Variants in GABRG3 observed in about 807,000 individuals in gnomAD.
GABRG3 encodes gamma-aminobutyric acid type A receptor subunit gamma3.
A neutral mutation model predicts 48.8 loss-of-function variants in GABRG3; 25 were observed. The observed-to-expected ratio is 0.51, with a 90% CI of 0.37 to 0.72. The LOEUF (loss-of-function observed/expected upper bound fraction) is 0.72. Among genes scored for constraint, GABRG3 ranks in the 30% least tolerant of loss-of-function variants. The pLI is 0.00. For synonymous variants in GABRG3, 227 were observed against 217.6 expected, an observed-to-expected ratio of 1.04 and a Z score of -0.38; for missense variants, 394 against 577.9, an observed-to-expected ratio of 0.68 and a Z score of 3.26.
rs570078549 is a variant in GABRG3 at position 27,047,959 on chromosome 15, C to T, written c.270+21138C>T. 1.4e-4 allele frequency among the ~76,000 whole-genome samples: 22 copies of T among 152,238 alleles called. No individual in the cohort carries two copies. In the East Asian group the frequency reaches 3.9e-3, roughly 27 times the overall value. ...TGTGAAATAACTGAATTACAGAAAA[C>T]GAGAGAATCAGATGAGCAGGGGTCC... On this transcript the variant is annotated intron_variant, in intron 3 of 9. Coordinates refer to ENST00000615808, the MANE Select transcript of GABRG3 (RefSeq NM_033223.5).
rs368101374 is a variant in GABRG3 at position 27,537,124 on chromosome 15, T to TAAAAAAAA, written c.*4257_*4264dup. ...TAAGAAATTTCATCTGCAATTTCTG[T>TAAAAAAAA]AAAAAAAAAAAAAAAAAAAAAGAAT... On this transcript the variant is annotated 3_prime_UTR_variant, in exon 10 of 10. Transcript: ENST00000615808. 1 of 115,786 alleles carries TAAAAAAAA rather than the reference T, an allele frequency of 8.6e-6. No individual in the cohort carries two copies. Among genetic ancestry groups the TAAAAAAAA allele is most frequent in the Non-Finnish European group, 1.9e-5 (1 of 52,750 alleles). The allele number at this position is 115,786 out of a possible 1,614,324, so 7.2% of individuals were successfully genotyped here.
At chr15:27,066,515 A>G (rs1166397711) in intron 3 of GABRG3, among the ~76,000 whole-genome samples, 1 of 152,180 alleles carries the variant, frequency 6.6e-6, no homozygotes, top group East Asian at 1.9e-4. Context: ...TGCCTGGAAG[A>G]AAAAGAAAAA....
intron 2 of GABRG3, among the ~76,000 whole-genome samples, chr15:27,016,074 C>G (rs571605376): frequency 6.6e-6 from 1 of 151,852 alleles, no homozygotes; most frequent in African/African-American, 2.4e-5. Flanking sequence ...AAATTCTATA[C>G]CTGATTTAAA....
intron 3 of GABRG3, among the ~76,000 whole-genome samples, chr15:27,108,990 C>G (rs1302469154): frequency 1.3e-5 from 2 of 152,046 alleles, no homozygotes; most frequent in South Asian, 2.1e-4. Context: ...GCTAAGAGAT[C>G]TCTTAGCTTC....
At chr15:27,456,643 A>G (rs550534907) in intron 5 of GABRG3, among the ~76,000 whole-genome samples, 2 of 152,298 alleles carry the variant, frequency 1.3e-5, no homozygotes, top group East Asian at 1.9e-4. Context: ...GGAACGGCCA[A>G]TCTGGAAAGA....
intron 5 of GABRG3, among the ~76,000 whole-genome samples, chr15:27,357,387 C>T (rs1388236806): frequency 1.3e-5 from 2 of 152,232 alleles, no homozygotes; most frequent in Non-Finnish European, 2.9e-5. Context: ...CAGAAATGCT[C>T]TCAGTCCTAC....
chr15:27,224,088 A>G (rs1463120640), intron 3 of GABRG3, among the ~76,000 whole-genome samples: 1 of 152,142 alleles, frequency 6.6e-6, no homozygotes, highest in Non-Finnish European at 1.5e-5. Flanking sequence ...CAGGTGATGT[A>G]CGTGGAAGCC....
intron 3 of GABRG3, among the ~76,000 whole-genome samples, chr15:27,292,497 T>A (rs1047885773): frequency 6.6e-6 from 1 of 152,194 alleles, no homozygotes; most frequent in African/African-American, 2.4e-5. Context: ...TGTTTTTATG[T>A]ATCATTCTGG....
At chr15:27,407,332 G>A (rs1167148227) in intron 5 of GABRG3, among the ~76,000 whole-genome samples, 1 of 152,196 alleles carries the variant, frequency 6.6e-6, no homozygotes, top group African/African-American at 2.4e-5. Context: ...GCAAGGATAT[G>A]GAGCAGCAGG....
intron 5 of GABRG3, among the ~76,000 whole-genome samples, chr15:27,439,507 CT>C (rs975895086): frequency 1.3e-5 from 2 of 152,166 alleles, no homozygotes; most frequent in Non-Finnish European, 2.9e-5. Context: ...GAATCATTCC[CT>C]ACACCATTTC....
intron 6 of GABRG3, among the ~76,000 whole-genome samples, chr15:27,497,336 C>T (rs577720246): frequency 1.6e-4 from 24 of 152,162 alleles, no homozygotes; most frequent in Non-Finnish European, 2.9e-4. Flanking sequence ...GAAAGACTCA[C>T]GGGTGCTGTA....
intron 5 of GABRG3, among the ~76,000 whole-genome samples, chr15:27,403,104 C>A (rs1051251640): frequency 6.6e-6 from 1 of 151,622 alleles, no homozygotes; most frequent in Non-Finnish European, 1.5e-5. Context: ...AATAAAGAAA[C>A]AGTGAACTAG....
At chr15:27,367,010 G>T (rs1446722604) in intron 5 of GABRG3, among the ~76,000 whole-genome samples, 3 of 152,156 alleles carry the variant, frequency 2.0e-5, no homozygotes, top group Non-Finnish European at 2.9e-5. Context: ...GGTTTGGACA[G>T]TGGGTCCCCC....
intron 6 of GABRG3, among the ~76,000 whole-genome samples, chr15:27,491,459 G>T (rs1890353830): frequency 6.6e-6 from 1 of 152,154 alleles, no homozygotes; most frequent in Admixed American, 6.5e-5. Context: ...TCCGTAGGGG[G>T]TTTCCTTGAG....
intron 2 of GABRG3, among the ~76,000 whole-genome samples, chr15:27,022,096 C>T (rs949929581): frequency 6.6e-6 from 1 of 152,134 alleles, no homozygotes; most frequent in Non-Finnish European, 1.5e-5. Flanking sequence ...CCTATGAACG[C>T]ATGCTGAGCC....
chr15:27,087,051 G>A (rs1198740238), intron 3 of GABRG3, among the ~76,000 whole-genome samples: 1 of 152,256 alleles, frequency 6.6e-6, no homozygotes, highest in Non-Finnish European at 1.5e-5. Flanking sequence ...AGCCATCACA[G>A]TAACAGGTTG....
intron 5 of GABRG3, among the ~76,000 whole-genome samples, chr15:27,377,121 T>C (rs1340137453): frequency 6.6e-6 from 1 of 152,212 alleles, no homozygotes. Context: ...TGCTAAAACA[T>C]AACAGGAGTT....
chr15:26,983,485 C>A (rs1432131), intron 2 of GABRG3, among the ~76,000 whole-genome samples: 2 of 152,010 alleles, frequency 1.3e-5, no homozygotes, highest in Non-Finnish European at 2.9e-5. Context: ...AGTTGCACTT[C>A]GCTTCTCAGA....
At position 26,976,929 on chromosome 15, in the gene GABRG3, A is replaced by T; in HGVS notation, c.54-73A>T. 1 of 1,525,454 alleles carries T rather than the reference A, an allele frequency of 6.6e-7. No individual in the cohort carries two copies. Among genetic ancestry groups the T allele is most frequent in the Non-Finnish European group, 9.0e-7 (1 of 1,106,824 alleles). 94.5% of individuals were successfully genotyped at this position (1,525,454 alleles called of 1,614,324 possible). The stretch of plus-strand genomic sequence containing the variant: ...TTTCTACCCATTTCATGGTACTTGG[A>T]TAGGACAAACTTAGGCTCTTCCTAG... On this transcript the variant is annotated intron_variant, in intron 1 of 9. Coordinates refer to ENST00000615808, the MANE Select transcript of GABRG3 (RefSeq NM_033223.5). This position sits in a 1 kb window ranked among gnomAD's most constrained non-coding sequence, Gnocchi z 7.8.
Sources: allele counts gnomAD v4.1 joint callset (sites outside exome capture counted in the v4.1 genomes callset), GRCh38; gene constraint gnomAD v4.1.1; non-coding constraint Gnocchi (gnomAD v3.1); transcripts MANE v1.5; gene names NCBI Gene and HGNC (gene_info 2026-07-23, HGNC 2026-07-21).